CACNG2: variants seen among roughly 807,000 people sequenced by gnomAD.
CACNG2 encodes calcium voltage-gated channel auxiliary subunit gamma 2.
In CACNG2, 3 loss-of-function variants were observed where a neutral mutation model predicts 25.9. The observed-to-expected ratio is 0.12, with a 90% CI of 0.05 to 0.30. The LOEUF (loss-of-function observed/expected upper bound fraction) is 0.30, where lower values mean the gene tolerates loss of function less well. Ranked by LOEUF, CACNG2 falls within the 10% of genes least tolerant of loss-of-function variation. CACNG2 has a pLI of 1.00. For missense variants in CACNG2, 341 were observed against 432.5 expected, an observed-to-expected ratio of 0.79 and a Z score of 1.88; for synonymous variants, 167 against 173.3, an observed-to-expected ratio of 0.96 and a Z score of 0.29.
At chr22:36,611,751 G>A (rs1041174651) in intron 1 of CACNG2, among the ~76,000 whole-genome samples, 6 of 152,118 alleles carry the variant, frequency 3.9e-5, no homozygotes, top group Non-Finnish European at 7.3e-5. Flanking sequence ...TGTGGCCGGC[G>A]TCTGTTCTGT....
chr22:36,602,224 CTTTAG>C (rs1418466141), intron 1 of CACNG2, among the ~76,000 whole-genome samples: 2 of 152,054 alleles, frequency 1.3e-5, no homozygotes, highest in African/African-American at 2.4e-5. Context: ...GATATTGAGA[CTTTAG>C]TTTAAACAAG....
chr22:36,605,607 A>T (rs1320711445), intron 1 of CACNG2, among the ~76,000 whole-genome samples: 2 of 152,152 alleles, frequency 1.3e-5, no homozygotes, highest in Non-Finnish European at 2.9e-5. Context: ...TCCACTGTAA[A>T]ATGAGGAGTC....
chr22:36,587,654 C>A, intron 1 of CACNG2, 106 bp from the exon 2 acceptor site: 1 of 813,412 alleles, frequency 1.2e-6, no homozygotes, highest in Admixed American at 1.7e-5. Context: ...CTCACTCAGC[C>A]CTCTCCCTCA....
In CACNG2 at chr22:36,568,934, C is replaced by T. The variant is rs149424721; in HGVS notation, c.296-2441G>A. On this transcript the variant is annotated intron_variant, in intron 2 of 3. Coordinates refer to ENST00000300105, the MANE Select transcript of CACNG2 (RefSeq NM_006078.5). ...GCCTCAGCACCCTCCTTCTCTTGGG[C>T]GGGATGGGGCTGCTCCTCCACAGAC... is the stretch of plus-strand genomic sequence containing the variant. Among the ~76,000 whole-genome samples, 262 of 152,046 alleles carry T rather than the reference C, an allele frequency of 1.7e-3. 2 individuals carry two copies. Among genetic ancestry groups the T allele is most frequent in the African/African-American group, 5.9e-3 (245 of 41,478 alleles).
At chr22:36,647,192 C>A (rs1689297333) in intron 1 of CACNG2, among the ~76,000 whole-genome samples, 1 of 152,196 alleles carries the variant, frequency 6.6e-6, no homozygotes, top group African/African-American at 2.4e-5. Context: ...CTGGTCCAGG[C>A]CATTGTCATC....
At chr22:36,608,271 C>G (rs781388340) in intron 1 of CACNG2, among the ~76,000 whole-genome samples, 4 of 152,110 alleles carry the variant, frequency 2.6e-5, no homozygotes, top group Admixed American at 1.3e-4. Context: ...CCTCACAGCC[C>G]GAGCTGCCTC....
Position 36,589,549 on chromosome 22 carries a change from A to G in CACNG2, c.212-2001T>C, listed in dbSNP as rs182068500. Among the ~76,000 whole-genome samples, 16 of 152,342 alleles carry G rather than the reference A, an allele frequency of 1.1e-4. No homozygotes were observed. In the East Asian group the frequency reaches 1.9e-3, roughly 18 times the overall value. On this transcript the variant is annotated intron_variant, in intron 1 of 3. Transcript: ENST00000300105. ...GAATCTCTGTAACTCCCTTTCACAC[A>G]TGAGCTATCCCTGTACCAAATTCAC...
rs559126345 is a variant in CACNG2, at chr22:36,564,691, G to T, written c.632C>A (p.Thr211Lys). The T allele has an allele frequency of 3.1e-6, 5 of 1,613,990 alleles. No homozygotes were observed. In the Admixed American group the frequency reaches 6.7e-5, roughly 22 times the overall value. Reference sequence around the variant, plus strand: ...CTGGAGGTAGTCCGTGGCGCGGGCCGTGGCCCGCAGCTGTTTGTGCCGGTC... The same window carrying T: ...CTGGAGGTAGTCCGTGGCGCGGGCCTTGGCCCGCAGCTGTTTGTGCCGGTC... ...FIDRHKQLRATARATDYLQAS... is the reference protein window; with the variant it reads ...FIDRHKQLRAKARATDYLQAS... Residue 211 changes from threonine (T) to lysine (K), a missense_variant, in exon 4 of 4, where the codon ACG (threonine) becomes AAG (lysine). Thr to Lys is a moderately conservative substitution (Grantham distance 78, BLOSUM62 -1). This residue lies in a region of CACNG2 where 172 missense variants were observed against 178.1 expected (regional missense o/e 0.97). Coordinates refer to ENST00000300105, the MANE Select transcript of CACNG2 (RefSeq NM_006078.5). This position sits in a 1 kb window ranked among gnomAD's most constrained non-coding sequence, Gnocchi z 6.7.
intron 1 of CACNG2, among the ~76,000 whole-genome samples, chr22:36,683,845 C>T (rs1937160239): frequency 6.6e-6 from 1 of 152,140 alleles, no homozygotes; most frequent in African/African-American, 2.4e-5. Flanking sequence ...GCATCTCTCT[C>T]TCTCTCCACC....
chr22:36,592,939 C>T (rs1029751227), intron 1 of CACNG2, among the ~76,000 whole-genome samples: 2 of 152,176 alleles, frequency 1.3e-5, no homozygotes, highest in East Asian at 1.9e-4. Context: ...CAGTGGTGTG[C>T]GCCCAGCCCA....
chr22:36,643,933 A>G (rs1302910743), intron 1 of CACNG2, among the ~76,000 whole-genome samples: 1 of 152,206 alleles, frequency 6.6e-6, no homozygotes, highest in African/African-American at 2.4e-5. Context: ...ACATCCGGAA[A>G]ATGGCAGAGT....
intron 1 of CACNG2, among the ~76,000 whole-genome samples, chr22:36,608,392 A>G (rs936890757): frequency 6.6e-6 from 1 of 152,094 alleles, no homozygotes; most frequent in Non-Finnish European, 1.5e-5. Flanking sequence ...CAGATTTCAC[A>G]AGCTTGTGTG....
chr22:36,692,062 T>TG (rs142111684), intron 1 of CACNG2, among the ~76,000 whole-genome samples: 1 of 152,118 alleles, frequency 6.6e-6, no homozygotes, highest in Non-Finnish European at 1.5e-5. Context: ...AGGAGAGCCA[T>TG]GGGGCAAAAC....
At chr22:36,629,776 T>G (rs1936239756) in intron 1 of CACNG2, among the ~76,000 whole-genome samples, 1 of 152,152 alleles carries the variant, frequency 6.6e-6, no homozygotes, top group African/African-American at 2.4e-5. Flanking sequence ...AAGGACGCAG[T>G]GAAGAAGACA....
chr22:36,626,753 A>T (rs1298905967), intron 1 of CACNG2, among the ~76,000 whole-genome samples: 1 of 152,224 alleles, frequency 6.6e-6, no homozygotes, highest in African/African-American at 2.4e-5. Flanking sequence ...CAAGCAGAAA[A>T]GTCCCAGTTG....
At chr22:36,622,497 G>T (rs1247082577) in intron 1 of CACNG2, among the ~76,000 whole-genome samples, 1 of 152,236 alleles carries the variant, frequency 6.6e-6, no homozygotes, top group Non-Finnish European at 1.5e-5. Flanking sequence ...TTTAGAATAG[G>T]AAAGGAGAGT....
At chr22:36,628,074 G>A (rs542983777) in intron 1 of CACNG2, among the ~76,000 whole-genome samples, 1 of 152,052 alleles carries the variant, frequency 6.6e-6, no homozygotes. Flanking sequence ...CTTCTAAAAT[G>A]TTACCAATGA....
intron 2 of CACNG2, among the ~76,000 whole-genome samples, chr22:36,582,422 TG>T (rs1935434217): frequency 6.6e-6 from 1 of 150,808 alleles, no homozygotes; most frequent in Non-Finnish European, 1.5e-5. Context: ...TTTTTTTTTT[TG>T]AGACAGAGTT....
chr22:36,658,264 T>C (rs1038633978), intron 1 of CACNG2, among the ~76,000 whole-genome samples: 5 of 152,096 alleles, frequency 3.3e-5, no homozygotes, highest in Non-Finnish European at 5.9e-5. Flanking sequence ...TGAAGGAAGA[T>C]TGCCCGGAAC....
Sources: gnomAD v4.1 joint callset for allele counts (sites outside exome capture counted in the v4.1 genomes callset) on GRCh38, gnomAD v4.1.1 for gene constraint, gnomAD v4.1.1 regional missense constraint, Gnocchi (gnomAD v3.1) non-coding constraint, MANE v1.5 for transcripts, NCBI Gene and HGNC (gene_info 2026-07-23, HGNC 2026-07-21) for gene names.